The following SMAD6 variants were observed in gnomAD, a reference collection of about 807,000 sequenced individuals.
SMAD6 encodes MAD homolog 6.
Under a neutral mutation model 39.4 loss-of-function variants are expected in SMAD6, and 103 were observed. That is an observed-to-expected ratio of 2.62 (90% CI 2.23 to 3.08). SMAD6 has a LOEUF of 3.08. Ranked by LOEUF, SMAD6 falls within the 30% of genes most tolerant of loss-of-function variation. SMAD6 has a pLI of 0.00. For missense variants in SMAD6, 1,104 were observed against 742.9 expected (o/e 1.49, Z -5.65); for synonymous variants, 445 against 353.3 (o/e 1.26, Z -2.91).
At chr15:66,741,673 A>G (rs573106868) in intron 3 of SMAD6, among the ~76,000 whole-genome samples, 9 of 152,320 alleles carry the variant, frequency 5.9e-5, no homozygotes, top group South Asian at 2.1e-4. Context: ...CTCTGAGTGT[A>G]CATTTTTGGG....
intron 3 of SMAD6, among the ~76,000 whole-genome samples, chr15:66,729,357 T>C (rs1282118844): frequency 2.6e-5 from 4 of 152,186 alleles, no homozygotes; most frequent in Admixed American, 2.6e-4. Context: ...GAAAGGAAAC[T>C]AAACATTGGA....
intron 3 of SMAD6, chr15:66,717,198 G>A (rs1454855562): frequency 2.5e-6 from 3 of 1,211,046 alleles, no homozygotes; most frequent in Non-Finnish European, 2.2e-6. Flanking sequence ...GGCCCTTTGG[G>A]AGCATGGCTG....
At chr15:66,761,889 C>T (rs574436462) in intron 3 of SMAD6, among the ~76,000 whole-genome samples, 3 of 152,270 alleles carry the variant, frequency 2.0e-5, no homozygotes, top group African/African-American at 7.2e-5. Flanking sequence ...GCATGCCCAC[C>T]TCACCCCATG....
intron 1 of SMAD6, chr15:66,708,253 A>G (rs1283873723): frequency 6.5e-6 from 1 of 154,060 alleles, no homozygotes; most frequent in Admixed American, 6.4e-5. Flanking sequence ...TTATTTTAAA[A>G]TCAATAAAAC....
intron 3 of SMAD6, among the ~76,000 whole-genome samples, chr15:66,738,643 C>T (rs1200353961): frequency 6.6e-6 from 1 of 152,180 alleles, no homozygotes; most frequent in African/African-American, 2.4e-5. Context: ...CCATGTTGCA[C>T]CCAGGCTTCC....
In SMAD6 at chr15:66,781,331, G is replaced by A; in HGVS notation, c.1287G>A (p.Lys429=). Residue 429 remains lysine, a synonymous_variant, in exon 4 of 4, where the codon AAG becomes AAA. Transcript: ENST00000288840. ...GCGGCCGCGCCCTGGTCGTGCGCAA[G>A]GTGCCCCCCGGCTACTCCATCAAGG... ...APGGRALVVR[K]VPPGYSIKVF... 6.3e-7 allele frequency: 1 copy of A among 1,598,432 alleles called. No individual in the cohort carries two copies. Among genetic ancestry groups the A allele is most frequent in the Non-Finnish European group, 8.5e-7 (1 of 1,173,774 alleles).
At position 66,704,007 on chromosome 15, in the gene SMAD6, TCGCCGC is replaced by T. The variant is rs774732566; in HGVS notation, c.758_763del (p.Ala253_Ala254del). 6.7e-7 allele frequency: 1 copy of T among 1,494,982 alleles called. No individual in the cohort carries two copies. The highest frequency in any genetic ancestry group is 2.2e-5 in the Admixed American group (1 of 46,278). The allele number at this position is 1,494,982 out of a possible 1,614,324, so 92.6% of individuals were successfully genotyped here. A position where few individuals can be genotyped will look rare whatever the true frequency, so the allele number is the denominator to read the frequency against. On this transcript the variant is annotated inframe_deletion, in exon 1 of 4. Transcript: ENST00000288840. ...AAGCCCCTGTGCGGCTGCCACAGCT[TCGCCGC>T]CGCCGCCGACGGCCCTACCGTGTGC...
At chr15:66,765,690 C>A (rs528731732) in intron 3 of SMAD6, among the ~76,000 whole-genome samples, 2 of 152,150 alleles carry the variant, frequency 1.3e-5, no homozygotes, top group Non-Finnish European at 2.9e-5. Flanking sequence ...CAAGAGAAAC[C>A]GAGTCACATT....
chr15:66,750,615 C>T (rs1387317101), intron 3 of SMAD6, among the ~76,000 whole-genome samples: 4 of 106,994 alleles, frequency 3.7e-5, no homozygotes, highest in South Asian at 3.4e-4. Flanking sequence ...TTCAAGTGCC[C>T]GGTTTATTGA....
At chr15:66,711,781 C>G (rs1046355386) in intron 2 of SMAD6, 57 bp downstream of exon 2, 8 of 1,369,642 alleles carry the variant, frequency 5.8e-6, no homozygotes, top group African/African-American at 1.5e-5. Flanking sequence ...GGGTCCTCTT[C>G]AGCCCAGTGT....
intron 3 of SMAD6, among the ~76,000 whole-genome samples, chr15:66,731,485 A>G (rs1469194212): frequency 1.3e-5 from 2 of 151,932 alleles, no homozygotes; most frequent in African/African-American, 2.4e-5. Context: ...AGTCAGCCCA[A>G]CCCCAACCCT....
chr15:66,715,978 G>A lies in SMAD6; in HGVS notation c.875-443G>A, dbSNP rs117347477. ...TTAAAACAGTTTCCCCAGCCCTAGC[G>A]GGAGGGAGGAAGGAAGGAAGGAAGA... On this transcript the variant is annotated intron_variant, in intron 2 of 3. Coordinates refer to ENST00000288840, the MANE Select transcript of SMAD6 (RefSeq NM_005585.5). Among the ~76,000 whole-genome samples the A allele has an allele frequency of 1.2e-3, 190 of 152,140 alleles. 1 individual carries two copies. In the East Asian group the frequency reaches 0.014, roughly 11 times the overall value.
At position 66,703,925 on chromosome 15, in the gene SMAD6, C is replaced by T. The variant is rs1064793003; in HGVS notation, c.667C>T (p.Gln223Ter). 9 of 1,325,588 alleles carry T rather than the reference C, an allele frequency of 6.8e-6. No homozygotes were observed. Among genetic ancestry groups the T allele is most frequent in the African/African-American group, 1.5e-5 (1 of 65,376 alleles). 82.1% of individuals were successfully genotyped at this position (1,325,588 alleles called of 1,614,324 possible). Reference sequence around the variant, plus strand: ...CCTGGGCGGCCAGCCCGCGCCGCCGCAGCTGCTGCTCGGCCGCCTCTTTCG... The same window carrying T: ...CCTGGGCGGCCAGCCCGCGCCGCCGTAGCTGCTGCTCGGCCGCCTCTTTCG... The part of the protein sequence containing the change: ...LRLGGQPAPP[Q>*]LLLGRLFRWP... Residue 223 changes from glutamine (Q) to a stop codon, truncating the protein, a stop_gained, in exon 1 of 4, where the codon CAG (glutamine) becomes TAG (stop). Coordinates refer to ENST00000288840, the MANE Select transcript of SMAD6 (RefSeq NM_005585.5). LOFTEE classifies it high-confidence loss of function.
intron 2 of SMAD6, among the ~76,000 whole-genome samples, 162 bp downstream of exon 2, chr15:66,711,886 T>C (rs1391104800): frequency 2.0e-5 from 3 of 152,156 alleles, no homozygotes; most frequent in Admixed American, 1.3e-4. Flanking sequence ...GTACAAACAC[T>C]CCCACAGTTG....
chr15:66,754,992 T>C (rs1202987061), intron 3 of SMAD6, among the ~76,000 whole-genome samples: 15 of 152,236 alleles, frequency 9.9e-5, no homozygotes, highest in Non-Finnish European at 1.5e-4. Flanking sequence ...CTACTGCTTA[T>C]TTGCTGTGTG....
intron 2 of SMAD6, among the ~76,000 whole-genome samples, chr15:66,714,343 A>C (rs77646114): frequency 0.02 from 3,097 of 152,152 alleles, 104 homozygotes; most frequent in African/African-American, 0.069. Context: ...ACCTGTTTTT[A>C]TATGGTTTGC....
At chr15:66,765,044 G>A (rs947771953) in intron 3 of SMAD6, among the ~76,000 whole-genome samples, 2 of 152,040 alleles carry the variant, frequency 1.3e-5, no homozygotes, top group African/African-American at 4.8e-5. Context: ...AGCAAAGAGG[G>A]ATCACACTCC....
intron 2 of SMAD6, among the ~76,000 whole-genome samples, chr15:66,713,614 G>A (rs938999883): frequency 2.0e-5 from 3 of 152,212 alleles, no homozygotes; most frequent in Admixed American, 2.0e-4. Context: ...CACTGCGCCT[G>A]GCTGGGCAAG....
At chr15:66,746,370 G>T (rs1263860921) in intron 3 of SMAD6, among the ~76,000 whole-genome samples, 1 of 152,110 alleles carries the variant, frequency 6.6e-6, no homozygotes, top group Non-Finnish European at 1.5e-5. Flanking sequence ...GGGACGTGTG[G>T]TTTAAAGGTC....
Sources: allele counts gnomAD v4.1 joint callset (sites outside exome capture counted in the v4.1 genomes callset), GRCh38; gene constraint gnomAD v4.1.1; transcripts MANE v1.5; gene names NCBI Gene and HGNC (gene_info 2026-07-23, HGNC 2026-07-21).